Variants in PARL observed in about 807,000 individuals in gnomAD.
PARL encodes presenilin-associated rhomboid-like protein, mitochondrial.
Under a neutral mutation model 51.6 loss-of-function variants are expected in PARL, and 44 were observed. The ratio of observed to expected loss-of-function variants is 0.85; its 90% CI spans 0.67 to 1.10. PARL has a LOEUF of 1.10. Among genes scored for constraint, PARL ranks in the 50% least tolerant of loss-of-function variants. The probability of loss-of-function intolerance (pLI) is 0.00; values close to 1 mark genes in which losing one functional copy is unlikely to be tolerated. For synonymous variants in PARL, 172 were observed against 164.0 expected, an observed-to-expected ratio of 1.05 and a Z score of -0.37; for missense variants, 441 against 469.5, an observed-to-expected ratio of 0.94 and a Z score of 0.56.
intron 7 of PARL, among the ~76,000 whole-genome samples, chr3:183,834,118 A>G (rs1313098728): frequency 6.6e-6 from 1 of 152,216 alleles, no homozygotes; most frequent in Non-Finnish European, 1.5e-5. Flanking sequence ...TCTTTCACCT[A>G]TGGCCTAGGA....
intron 4 of PARL, among the ~76,000 whole-genome samples, chr3:183,849,739 A>G (rs1251260071): frequency 1.3e-5 from 2 of 152,168 alleles, no homozygotes; most frequent in Non-Finnish European, 2.9e-5. Context: ...ACTTTTAGCT[A>G]CAGTGACAAA....
At chr3:183,843,325 G>A in intron 5 of PARL, 5 of 983,952 alleles carry the variant, frequency 5.1e-6, no homozygotes, top group Non-Finnish European at 6.0e-6. Context: ...TAAGCAGTCT[G>A]GGCAACATGG....
At chr3:183,860,738 T>C (rs1319675816) in intron 4 of PARL, among the ~76,000 whole-genome samples, 2 of 152,084 alleles carry the variant, frequency 1.3e-5, no homozygotes, top group East Asian at 3.8e-4. Flanking sequence ...GAATGTGAGG[T>C]ATAAACTAAT....
chr3:183,880,400 T>G (rs970779493), intron 1 of PARL, among the ~76,000 whole-genome samples: 5 of 146,318 alleles, frequency 3.4e-5, no homozygotes, highest in South Asian at 4.3e-4. Context: ...TATAGTTCAG[T>G]TTTTTTTTTT....
At chr3:183,843,948 A>C (rs1376951398) in intron 5 of PARL, among the ~76,000 whole-genome samples, 2 of 152,178 alleles carry the variant, frequency 1.3e-5, no homozygotes, top group Non-Finnish European at 2.9e-5. Context: ...CTGAGGCAGG[A>C]GAATCACTTG....
chr3:183,842,127 G>A (rs565039959), intron 6 of PARL, among the ~76,000 whole-genome samples, 171 bp downstream of exon 6: 4 of 152,224 alleles, frequency 2.6e-5, no homozygotes, highest in African/African-American at 9.6e-5. Context: ...GAACAGAAAA[G>A]GCAACATCTC....
downstream of PARL, among the ~76,000 whole-genome samples, chr3:183,828,326 C>T (rs1446070804): frequency 6.6e-6 from 1 of 152,234 alleles, no homozygotes; most frequent in South Asian, 2.1e-4. Context: ...CCTATCCCAT[C>T]TCTGGAAAAC....
At chr3:183,832,263 G>A (rs1224800357) in intron 9 of PARL, among the ~76,000 whole-genome samples, 1 of 150,628 alleles carries the variant, frequency 6.6e-6, no homozygotes, top group African/African-American at 2.5e-5. Flanking sequence ...TTGTCGCCCA[G>A]GCTGGAGTGC....
At chr3:183,879,350 C>T (rs758541374) in intron 1 of PARL, among the ~76,000 whole-genome samples, 4 of 151,836 alleles carry the variant, frequency 2.6e-5, no homozygotes, top group Admixed American at 6.6e-5. Flanking sequence ...TTTGTGATAA[C>T]GGAGAAGACA....
At chr3:183,838,024 TTC>T (rs1377824577) in intron 7 of PARL, among the ~76,000 whole-genome samples, 13 of 83,560 alleles carry the variant, frequency 1.6e-4, no homozygotes, top group Admixed American at 1.5e-3. Context: ...CCATTCAACT[TTC>T]TTTTTTTTTT....
chr3:183,874,673 G>A (rs568123669), intron 1 of PARL, among the ~76,000 whole-genome samples: 56 of 152,178 alleles, frequency 3.7e-4, no homozygotes, highest in African/African-American at 1.2e-3. Context: ...CTCCCAAAGT[G>A]CCCAGCCAAT....
At chr3:183,864,652 T>C (rs1220216503) in intron 3 of PARL, among the ~76,000 whole-genome samples, 1 of 151,914 alleles carries the variant, frequency 6.6e-6, no homozygotes, top group East Asian at 1.9e-4. Flanking sequence ...GGCGGGCACC[T>C]GTAGTCCCAG....
At chr3:183,873,345 A>C (rs377676157) in intron 1 of PARL, among the ~76,000 whole-genome samples, 1 of 152,112 alleles carries the variant, frequency 6.6e-6, no homozygotes, top group East Asian at 1.9e-4. Context: ...ATCTCTGCTA[A>C]AAATACAAAA....
intron 3 of PARL, among the ~76,000 whole-genome samples, chr3:183,866,375 C>G (rs181478014): frequency 1.3e-5 from 2 of 152,276 alleles, no homozygotes; most frequent in Admixed American, 1.3e-4. Context: ...GCTTCAAAAC[C>G]TGGGATTACC....
At chr3:183,856,023 C>A (rs1731127342) in intron 4 of PARL, among the ~76,000 whole-genome samples, 1 of 151,862 alleles carries the variant, frequency 6.6e-6, no homozygotes, top group Non-Finnish European at 1.5e-5. Flanking sequence ...TGTTCCCCTG[C>A]CGCTCACCTC....
intron 7 of PARL, among the ~76,000 whole-genome samples, chr3:183,838,794 A>G (rs1280402944): frequency 1.3e-5 from 2 of 152,196 alleles, no homozygotes; most frequent in African/African-American, 4.8e-5. Context: ...TTTCTTATCT[A>G]TAAGATGAGG....
chr3:183,832,840 G>C (rs1210420182), intron 9 of PARL, among the ~76,000 whole-genome samples: 2 of 152,106 alleles, frequency 1.3e-5, no homozygotes, highest in Non-Finnish European at 2.9e-5. Context: ...GGTGTGGTGG[G>C]GGTGGAAAGG....
At chr3:183,840,726 G>A (rs1229932184) in intron 6 of PARL, 86 bp from the exon 7 acceptor site, 53 of 676,024 alleles carry the variant, frequency 7.8e-5, no homozygotes, top group Admixed American at 1.2e-4. Context: ...TTTTTTTTGA[G>A]ACAGAGTTTC....
rs570825023 is a variant in PARL at position 183,884,864 on chromosome 3, C to G, written c.-18G>C. ...CACGCCATCTTCCCAACCTCTGCCCCACCATGGCCCGACCTTACCAACCCC... is the reference window on the plus strand; with the variant it reads ...CACGCCATCTTCCCAACCTCTGCCCGACCATGGCCCGACCTTACCAACCCC... On this transcript the variant is annotated 5_prime_UTR_variant, in exon 1 of 10. Coordinates refer to ENST00000317096, the MANE Select transcript of PARL (RefSeq NM_018622.7). 10 of 1,596,768 alleles carry G rather than the reference C, an allele frequency of 6.3e-6. No homozygotes were observed. The highest frequency in any genetic ancestry group is 1.3e-5 in the African/African-American group (1 of 74,968).
Sources: gnomAD v4.1 joint callset for allele counts (sites outside exome capture counted in the v4.1 genomes callset) on GRCh38, gnomAD v4.1.1 for gene constraint, MANE v1.5 for transcripts, NCBI Gene and HGNC (gene_info 2026-07-23, HGNC 2026-07-21) for gene names.